INSYN2A: variants seen among roughly 807,000 people sequenced by gnomAD.
INSYN2A encodes family with sequence similarity 196 member A.
A neutral mutation model predicts 39.4 loss-of-function variants in INSYN2A; 17 were observed. The observed-to-expected ratio is 0.43, with a 90% confidence interval of 0.30 to 0.65. The LOEUF is 0.65. INSYN2A is among the 30% of genes least tolerant of loss of function. The probability of loss-of-function intolerance (pLI) is 0.14; values close to 1 mark genes in which losing one functional copy is unlikely to be tolerated. For synonymous variants in INSYN2A, 255 were observed against 265.7 expected (o/e 0.96, Z 0.39); for missense variants, 595 against 631.2 (o/e 0.94, Z 0.61).
At chr10:127,161,055 C>T (rs2053551314) in intron 4 of INSYN2A, among the ~76,000 whole-genome samples, 1 of 152,168 alleles carries the variant, frequency 6.6e-6, no homozygotes, top group Non-Finnish European at 1.5e-5. Context: ...TGATTCCCTC[C>T]TATGTTTGAG....
At chr10:127,152,475 C>G (rs1592250674) in intron 5 of INSYN2A, among the ~76,000 whole-genome samples, 1 of 152,220 alleles carries the variant, frequency 6.6e-6, no homozygotes, top group African/African-American at 2.4e-5. Context: ...AGGGGCCCCT[C>G]CTCCCTTCCT....
At chr10:127,146,373 A>G (rs761026405) in intron 5 of INSYN2A, among the ~76,000 whole-genome samples, 4 of 152,236 alleles carry the variant, frequency 2.6e-5, no homozygotes, top group Non-Finnish European at 5.9e-5. Context: ...ATTGCTAAAC[A>G]TTAGTAAAAA....
Position 127,137,800 on chromosome 10 carries a change from T to G in INSYN2A, c.*37A>C, listed in dbSNP as rs1475634621. The G allele has an allele frequency of 2.5e-6, 4 of 1,581,338 alleles. No homozygotes were observed. The highest frequency in any genetic ancestry group is 3.4e-6 in the Non-Finnish European group (4 of 1,163,288). On this transcript the variant is annotated 3_prime_UTR_variant, in exon 6 of 6. Coordinates refer to ENST00000522781, the MANE Select transcript of INSYN2A (RefSeq NM_001039762.3). ...AGTATTGACTTAAACTCCAGTGGGT[T>G]CTAAAGACGGCCTCGAGACTCCAGA...
intron 4 of INSYN2A, among the ~76,000 whole-genome samples, chr10:127,159,628 G>T (rs2053410141): frequency 6.6e-6 from 1 of 152,110 alleles, no homozygotes; most frequent in Non-Finnish European, 1.5e-5. Flanking sequence ...ATGCACCTTT[G>T]TATATTTATT....
intron 2 of INSYN2A, among the ~76,000 whole-genome samples, chr10:127,189,465 C>G (rs2379166): frequency 0.15 from 22,786 of 152,022 alleles, 2,053 homozygotes; most frequent in African/African-American, 0.25. Context: ...GGTGTTTTTG[C>G]CACATGGACA....
intron 4 of INSYN2A, among the ~76,000 whole-genome samples, chr10:127,159,211 G>A (rs1249151806): frequency 1.3e-5 from 2 of 152,268 alleles, no homozygotes; most frequent in African/African-American, 4.8e-5. Flanking sequence ...TTACATTTCT[G>A]TTTTGTAGTG....
chr10:127,148,928 A>G (rs2052189660), intron 5 of INSYN2A, among the ~76,000 whole-genome samples: 1 of 152,190 alleles, frequency 6.6e-6, no homozygotes, highest in African/African-American at 2.4e-5. Flanking sequence ...AAAAAGATGT[A>G]GCTGTGTCAA....
intron 5 of INSYN2A, among the ~76,000 whole-genome samples, chr10:127,152,486 G>A (rs150582953): frequency 4.5e-4 from 69 of 152,270 alleles, no homozygotes; most frequent in African/African-American, 1.3e-3. Flanking sequence ...CTCCCTTCCT[G>A]CTGCCAGGAG....
intron 2 of INSYN2A, among the ~76,000 whole-genome samples, chr10:127,179,838 G>A (rs1337569871): frequency 6.6e-6 from 1 of 152,190 alleles, no homozygotes; most frequent in Non-Finnish European, 1.5e-5. Context: ...CAGTAAGCAT[G>A]CAGTTAAGTG....
At chr10:127,163,259 A>G (rs1387730180) in intron 4 of INSYN2A, among the ~76,000 whole-genome samples, 2 of 152,134 alleles carry the variant, frequency 1.3e-5, no homozygotes, top group Non-Finnish European at 2.9e-5. Flanking sequence ...TGCATCAGCA[A>G]TGCCTGGTCC....
Position 127,184,495 on chromosome 10 carries a change from C to T in INSYN2A, c.-268-7356G>A, listed in dbSNP as rs1403349655. ...TTCCCCCATGCCCCACCCCCGTCCCCCATCCTGCAGGTCCTGCTAGTCTTG... is the reference window on the plus strand; with the variant it reads ...TTCCCCCATGCCCCACCCCCGTCCCTCATCCTGCAGGTCCTGCTAGTCTTG... On this transcript the variant is annotated intron_variant, in intron 2 of 5. Transcript: ENST00000522781. Among the ~76,000 whole-genome samples the T allele has an allele frequency of 4.0e-5, 6 of 150,830 alleles. No individual in the cohort carries two copies. The East Asian group carries it at 1.2e-3, about 29-fold the overall frequency.
At position 127,176,156 on chromosome 10, in the gene INSYN2A, G is replaced by T; in HGVS notation, c.240C>A (p.Cys80Ter). 1 of 1,614,134 alleles carries T rather than the reference G, an allele frequency of 6.2e-7. No homozygotes were observed. The highest frequency in any genetic ancestry group is 8.5e-7 in the Non-Finnish European group (1 of 1,180,034). The change falls in exon 4 of 6, where the codon TGC becomes TGA. Residue 80 changes from cysteine to a stop codon, truncating the protein, a stop_gained. Transcript: ENST00000522781. LOFTEE classifies it high-confidence loss of function. The surrounding 1 kb of genome is among the most constrained non-coding windows in gnomAD (Gnocchi z 4.4). The stretch of plus-strand genomic sequence containing the variant: ...TCATGTATTTGCGGTAGGCTGCTCT[G>T]CAGGACACGGGCTTGGCCTCCCGCT... ...GEKREAKPVS[C>*]RAAYRKYMTV...
At chr10:127,180,334 A>T (rs2055605603) in intron 2 of INSYN2A, among the ~76,000 whole-genome samples, 1 of 152,134 alleles carries the variant, frequency 6.6e-6, no homozygotes. Flanking sequence ...TGGCTGGGTC[A>T]CCCTAGAGAA....
chr10:127,193,564 G>A (rs982189066), intron 1 of INSYN2A, among the ~76,000 whole-genome samples: 2 of 152,236 alleles, frequency 1.3e-5, no homozygotes, highest in South Asian at 4.2e-4. Context: ...GATAGCCATG[G>A]CTGGGCGCAA....
chr10:127,189,200 T>C (rs1372594117), intron 2 of INSYN2A, among the ~76,000 whole-genome samples: 2 of 152,216 alleles, frequency 1.3e-5, no homozygotes, highest in East Asian at 1.9e-4. Flanking sequence ...ACGGTTGTCT[T>C]AGACTTATAC....
chr10:127,176,152 C>T lies in INSYN2A; in HGVS notation c.244G>A (p.Ala82Thr), dbSNP rs775136991. Reference protein sequence around the residue: ...KREAKPVSCRAAYRKYMTVPA... With the variant: ...KREAKPVSCRTAYRKYMTVPA... ...ACTGTCATGTATTTGCGGTAGGCTG[C>T]TCTGCAGGACACGGGCTTGGCCTCC... Residue 82 changes from alanine (A) to threonine (T), a missense_variant, in exon 4 of 6, where the codon GCA becomes ACA. Physicochemically the swap from Ala to Thr is moderately conservative, Grantham distance 58. Around this residue, in one of 2 missense-constraint regions of INSYN2A, gnomAD observed 478 missense variants for 467.4 expected, o/e 1.02. Transcript: ENST00000522781. This position sits in a 1 kb window ranked among gnomAD's most constrained non-coding sequence, Gnocchi z 4.4. 23 of 1,613,980 alleles carry T rather than the reference C, an allele frequency of 1.4e-5. No individual in the cohort carries two copies. The highest frequency in any genetic ancestry group is 9.3e-5 in the African/African-American group (7 of 74,894).
chr10:127,190,682 CCGTT>C (rs2056683233), intron 2 of INSYN2A, among the ~76,000 whole-genome samples: 1 of 43,688 alleles, frequency 2.3e-5, no homozygotes, highest in Non-Finnish European at 4.9e-5. Context: ...CCCCCCCCCC[CCGTT>C]CCTGCTGGCT....
intron 4 of INSYN2A, among the ~76,000 whole-genome samples, chr10:127,162,220 T>C (rs546608355): frequency 2.0e-5 from 3 of 152,208 alleles, no homozygotes; most frequent in Non-Finnish European, 4.4e-5. Flanking sequence ...CAAATACTTC[T>C]TTTTCAGACA....
intron 5 of INSYN2A, chr10:127,145,866 G>T: frequency 2.6e-6 from 1 of 384,332 alleles, no homozygotes; most frequent in Non-Finnish European, 5.1e-6. Context: ...CTGCTTGTGT[G>T]TGTCATCTGG....
Sources: allele counts gnomAD v4.1 joint callset (sites outside exome capture counted in the v4.1 genomes callset), GRCh38; gene constraint gnomAD v4.1.1; regional missense constraint gnomAD v4.1.1; non-coding constraint Gnocchi (gnomAD v3.1); transcripts MANE v1.5; gene names NCBI Gene and HGNC (gene_info 2026-07-23, HGNC 2026-07-21).